SLC35E2B: variants seen among roughly 807,000 people sequenced by gnomAD.
The protein encoded by SLC35E2B is solute carrier family 35 member E2B.
In SLC35E2B, 18 loss-of-function variants were observed where a neutral mutation model predicts 32.4. That is an observed-to-expected ratio of 0.56 (90% CI 0.38 to 0.82). SLC35E2B has a LOEUF of 0.82. Among genes scored for constraint, SLC35E2B ranks in the 40% least tolerant of loss-of-function variants. The pLI, the probability that SLC35E2B is intolerant of heterozygous loss-of-function variation, is 0.00. For synonymous variants in SLC35E2B, 132 were observed against 209.1 expected, an observed-to-expected ratio of 0.63 and a Z score of 3.18; for missense variants, 263 against 469.5, an observed-to-expected ratio of 0.56 and a Z score of 4.06.
chr1:1,670,162 GAA>G lies in SLC35E2B; in HGVS notation c.708-13_708-12del. 6.5e-7 allele frequency: 1 copy of G among 1,547,490 alleles called. No individual in the cohort carries two copies. The highest frequency in any genetic ancestry group is 8.7e-7 in the Non-Finnish European group (1 of 1,143,040). ...AAAACATTTTGCAAACTAGAATAAA[GAA>G]AAGAGGTTATGCATCAATACTAGTC... On this transcript the variant is annotated splice_polypyrimidine_tract_variant and intron_variant, in intron 6 of 9. Coordinates refer to ENST00000617444, the MANE Select transcript of SLC35E2B (RefSeq NM_001290264.2).
chr1:1,671,247 G>GT, intron 6 of SLC35E2B: 2 of 310,470 alleles, frequency 6.4e-6, no homozygotes, highest in Non-Finnish European at 1.2e-5. Flanking sequence ...GCGTATCTGC[G>GT]TATTTCAGCA....
chr1:1,677,540 T>A (rs370690236), intron 2 of SLC35E2B, among the ~76,000 whole-genome samples: 1 of 150,398 alleles, frequency 6.6e-6, no homozygotes, highest in African/African-American at 2.5e-5. Flanking sequence ...TGCAGAGGCG[T>A]GATCTGGGCT....
intron 8 of SLC35E2B, among the ~76,000 whole-genome samples, chr1:1,668,820 G>A (rs554561051): frequency 1.2e-4 from 18 of 152,016 alleles, no homozygotes; most frequent in East Asian, 9.7e-4. Flanking sequence ...GTGAAACCTC[G>A]TCTCTGCTAA....
rs1643437494 is a variant in SLC35E2B at position 1,662,738 on chromosome 1, C to T, written c.*3044G>A. The stretch of plus-strand genomic sequence containing the variant: ...TTCCTTGAAAGAGAGCTGCAAATCT[C>T]TTAAGTATCAACGTAAAGAAGCCGA... On this transcript the variant is annotated 3_prime_UTR_variant, in exon 10 of 10. Transcript: ENST00000617444. 2 of 755,878 alleles carry T rather than the reference C, an allele frequency of 2.6e-6. No homozygotes were observed. The highest frequency in any genetic ancestry group is 3.2e-6 in the Non-Finnish European group (2 of 618,110). 46.8% of individuals were successfully genotyped at this position (755,878 alleles called of 1,614,324 possible).
intron 2 of SLC35E2B, among the ~76,000 whole-genome samples, chr1:1,678,656 A>G (rs1204897014): frequency 6.6e-6 from 1 of 152,082 alleles, no homozygotes; most frequent in African/African-American, 2.4e-5. Context: ...GCCTCGGAAT[A>G]ACAAAGGACT....
At chr1:1,685,925 G>A (rs1179289768) in intron 2 of SLC35E2B, among the ~76,000 whole-genome samples, 8 of 151,954 alleles carry the variant, frequency 5.3e-5, no homozygotes, top group Non-Finnish European at 1.0e-4. Flanking sequence ...TCTACCTCCC[G>A]GGTTCAAGTG....
chr1:1,675,423 G>A (rs1643818534), intron 5 of SLC35E2B, 40 bp downstream of exon 5: 7 of 1,606,266 alleles, frequency 4.4e-6, no homozygotes, highest in Non-Finnish European at 6.0e-6. Context: ...GGCCTGGGAT[G>A]GTGGGGCGCA....
intron 2 of SLC35E2B, among the ~76,000 whole-genome samples, chr1:1,690,735 A>G (rs2101123696): frequency 1.4e-5 from 1 of 73,264 alleles, no homozygotes. Context: ...ACTCCGTCTC[A>G]AAAAGTAAAG....
Position 1,677,373 on chromosome 1 carries a change from G to A in SLC35E2B, c.-147-527C>T, listed in dbSNP as rs1643862711. ...TTGACTGTCGTCCTGGCAGACCTGG[G>A]GCTGTGGGTCCTTCACGCCCTGCCT... is the stretch of plus-strand genomic sequence containing the variant. On this transcript the variant is annotated intron_variant, in intron 2 of 9. Transcript: ENST00000617444. 3.3e-5 allele frequency among the ~76,000 whole-genome samples: 5 copies of A among 151,490 alleles called. No homozygotes were observed. The East Asian group carries it at 5.8e-4, about 18-fold the overall frequency.
chr1:1,679,174 C>T (rs934705851), intron 2 of SLC35E2B, among the ~76,000 whole-genome samples: 19 of 152,202 alleles, frequency 1.2e-4, no homozygotes, highest in African/African-American at 3.1e-4. Flanking sequence ...AAGGAGGCCA[C>T]GCTCAAGAAA....
In SLC35E2B at chr1:1,675,490, A is replaced by G. The variant is rs759535910; in HGVS notation, c.559T>C (p.Ser187Pro). The G allele has an allele frequency of 9.9e-6, 16 of 1,608,468 alleles. No individual in the cohort carries two copies. The highest frequency in any genetic ancestry group is 1.4e-5 in the African/African-American group (1 of 73,682). The change falls in exon 5 of 10, where the codon TCT becomes CCT. Residue 187 changes from serine (S) to proline (P), a missense_variant. Ser to Pro is a moderately conservative substitution (Grantham distance 74). Around this residue, in one of 7 missense-constraint regions of SLC35E2B, gnomAD observed 129 missense variants for 164.5 expected, o/e 0.78. Transcript: ENST00000617444. ...SSAPIFTVIM[S>P]RMILGEYTGL... is the part of the protein sequence containing the mutation. The stretch of plus-strand genomic sequence containing the variant: ...GTGTACTCCCCCAGAATCATCCGAG[A>G]CATGATCACCGTGAAGATGGGGGCG...
Position 1,664,111 on chromosome 1 carries a change from A to G in SLC35E2B, c.*1671T>C, listed in dbSNP as rs1643478722. On this transcript the variant is annotated 3_prime_UTR_variant, in exon 10 of 10. Coordinates refer to ENST00000617444, the MANE Select transcript of SLC35E2B (RefSeq NM_001290264.2). The stretch of plus-strand genomic sequence containing the variant: ...GGTGGGAGGATCATTTGAGCCCAGG[A>G]AGTCGAGGCTGCAGTGAGCCAAGAT... The G allele has an allele frequency of 6.1e-6, 3 of 494,378 alleles. No homozygotes were observed. Among genetic ancestry groups the G allele is most frequent in the Non-Finnish European group, 7.9e-6 (3 of 380,416 alleles). 30.6% of individuals were successfully genotyped at this position (494,378 alleles called of 1,614,324 possible). A position where few individuals can be genotyped will look rare whatever the true frequency, so the allele number is the denominator to read the frequency against.
intron 5 of SLC35E2B, chr1:1,673,035 C>A: frequency 6.2e-6 from 1 of 162,054 alleles, no homozygotes; most frequent in Non-Finnish European, 1.4e-5. Flanking sequence ...GCTCGATGCG[C>A]AATAAGGTTC....
At chr1:1,684,904 G>A (rs1322955050) in intron 2 of SLC35E2B, among the ~76,000 whole-genome samples, 1 of 149,262 alleles carries the variant, frequency 6.7e-6, no homozygotes, top group Non-Finnish European at 1.5e-5. Context: ...TTGGGAGTTC[G>A]AGACCAGCCT....
intron 2 of SLC35E2B, among the ~76,000 whole-genome samples, chr1:1,690,496 T>C (rs1644006361): frequency 1.4e-5 from 2 of 143,754 alleles, no homozygotes; most frequent in Non-Finnish European, 3.0e-5. Flanking sequence ...CCCAGCACTT[T>C]GGGAGGCCAA....
intron 2 of SLC35E2B, among the ~76,000 whole-genome samples, chr1:1,682,646 C>T (rs1435754184): frequency 2.6e-5 from 4 of 152,104 alleles, no homozygotes; most frequent in Admixed American, 1.3e-4. Context: ...CCTCTCATCT[C>T]GGGGACGGGC....
At chr1:1,669,559 C>A in intron 8 of SLC35E2B, 105 bp downstream of exon 8, 1 of 1,228,834 alleles carries the variant, frequency 8.1e-7, no homozygotes, top group Non-Finnish European at 1.1e-6. Context: ...GGAGCTGGGC[C>A]CAACCAGCCA....
Position 1,663,477 on chromosome 1 carries a change from GTGTT to G in SLC35E2B, c.*2301_*2304del. 1.1e-6 allele frequency: 1 copy of G among 934,076 alleles called. No homozygotes were observed. Among genetic ancestry groups the G allele is most frequent in the East Asian group, 1.2e-4 (1 of 8,664 alleles). The allele number at this position is 934,076 out of a possible 1,614,324, so 57.9% of individuals were successfully genotyped here. A position where few individuals can be genotyped will look rare whatever the true frequency, so the allele number is the denominator to read the frequency against. ...GCCACCTCCAGGGCATTTTCTAATA[GTGTT>G]TGTTTTTGAGACGGAATCTTGCCCT... On this transcript the variant is annotated 3_prime_UTR_variant, in exon 10 of 10. Transcript: ENST00000617444.
At chr1:1,683,668 A>C (rs2101114472) in intron 2 of SLC35E2B, among the ~76,000 whole-genome samples, 1 of 151,970 alleles carries the variant, frequency 6.6e-6, no homozygotes, top group African/African-American at 2.4e-5. Context: ...CCCAGCCTCC[A>C]ATCCTGGGGT....
Sources: gnomAD v4.1 joint callset for allele counts (sites outside exome capture counted in the v4.1 genomes callset) on GRCh38, gnomAD v4.1.1 for gene constraint, gnomAD v4.1.1 regional missense constraint, MANE v1.5 for transcripts, NCBI Gene and HGNC (gene_info 2026-07-23, HGNC 2026-07-21) for gene names.